Variants in GIT2 observed in about 807,000 individuals in gnomAD.
GIT2 encodes the protein GIT ArfGAP 2.
Under a neutral mutation model 100.3 loss-of-function variants are expected in GIT2, and 32 were observed. The observed-to-expected ratio is 0.32, with a 90% CI of 0.24 to 0.43. The LOEUF is 0.43. GIT2 is among the 20% of genes least tolerant of loss of function. GIT2 has a pLI of 1.00. For missense variants in GIT2, 737 were observed against 975.1 expected, an observed-to-expected ratio of 0.76 and a Z score of 3.25; for synonymous variants, 353 against 364.1, an observed-to-expected ratio of 0.97 and a Z score of 0.35.
chr12:109,951,821 A>AG (rs1437597049), intron 13 of GIT2, among the ~76,000 whole-genome samples: 1 of 152,128 alleles, frequency 6.6e-6, no homozygotes, highest in Non-Finnish European at 1.5e-5. Context: ...AGAGCAGGGT[A>AG]GGGGGCTGCA....
chr12:109,989,107 A>T (rs369552450), intron 3 of GIT2, 39 bp from the exon 4 acceptor site: 21 of 1,161,366 alleles, frequency 1.8e-5, no homozygotes, highest in Non-Finnish European at 2.5e-5. Context: ...TCACTCGTTC[A>T]GATACAACAA....
chr12:109,935,488 G>A (rs951518309), intron 18 of GIT2, among the ~76,000 whole-genome samples: 6 of 152,020 alleles, frequency 3.9e-5, no homozygotes, highest in South Asian at 2.1e-4. Flanking sequence ...TGGCTTCTCC[G>A]CCTCCCGGCT....
intron 9 of GIT2, among the ~76,000 whole-genome samples, chr12:109,964,585 G>A (rs1480415201): frequency 1.3e-5 from 2 of 148,928 alleles, no homozygotes; most frequent in South Asian, 2.1e-4. Flanking sequence ...GGACTTGAAT[G>A]TGCAGCTCAT....
intron 12 of GIT2, among the ~76,000 whole-genome samples, chr12:109,958,294 T>C (rs1320875908): frequency 6.6e-6 from 1 of 150,662 alleles, no homozygotes; most frequent in Non-Finnish European, 1.5e-5. Context: ...CAGGTTAGAG[T>C]GCAGTGGTGT....
chr12:109,946,566 T>A (rs1876403995), intron 15 of GIT2, among the ~76,000 whole-genome samples: 1 of 152,224 alleles, frequency 6.6e-6, no homozygotes, highest in South Asian at 2.1e-4. Flanking sequence ...CAAAATAAGA[T>A]TGTAAGAACC....
chr12:109,938,557 T>C lies in GIT2; in HGVS notation c.1826A>G (p.Lys609Arg). 1.3e-6 allele frequency: 2 copies of C among 1,596,048 alleles called. No individual in the cohort carries two copies. The highest frequency in any genetic ancestry group is 2.7e-5 in the African/African-American group (2 of 74,240). The change falls in exon 18 of 20, where the codon AAG (lysine) becomes AGG (arginine). Residue 609 changes from lysine (K) to arginine (R), a missense_variant. Lys to Arg is a conservative substitution (Grantham distance 26). Coordinates refer to ENST00000355312, the MANE Select transcript of GIT2 (RefSeq NM_057169.5). ...MEPDGMGSSR[K>R]GRQRSMVWPG... The stretch of plus-strand genomic sequence containing the variant: ...CCACACCATACTTCTTTGCCGTCCC[T>C]TTCGGCTTGACCTGTGAACATTAAA...
At chr12:109,982,093 C>T (rs1196808894) in intron 6 of GIT2, 1 of 152,172 alleles carries the variant, frequency 6.6e-6, no homozygotes, top group Non-Finnish European at 1.5e-5. Flanking sequence ...TAATGAAGCA[C>T]CATGCAATAC....
Position 109,968,500 on chromosome 12 carries a change from C to T in GIT2, c.719-997G>A, listed in dbSNP as rs573595649. 4.6e-5 allele frequency among the ~76,000 whole-genome samples: 7 copies of T among 151,938 alleles called. No homozygotes were observed. In the South Asian group the frequency reaches 1.0e-3, roughly 23 times the overall value. On this transcript the variant is annotated intron_variant, in intron 7 of 19. Coordinates refer to ENST00000355312, the MANE Select transcript of GIT2 (RefSeq NM_057169.5). Reference sequence around the variant, plus strand: ...GTGCAATGGCGCAATCTCGGCTCACCGCAACCTCCGCCTCCTGGGTTCAAG... The same window carrying T: ...GTGCAATGGCGCAATCTCGGCTCACTGCAACCTCCGCCTCCTGGGTTCAAG...
upstream of GIT2, chr12:109,999,557 A>G (rs551309164): frequency 1.4e-5 from 9 of 628,130 alleles, no homozygotes; most frequent in South Asian, 5.4e-5. The surrounding 1 kb of genome is among the most constrained non-coding windows in gnomAD (Gnocchi z 4.3). Context: ...CGACCGGCTC[A>G]GCCGGCCGGC....
chr12:109,984,783 A>C (rs1178685323), intron 4 of GIT2, among the ~76,000 whole-genome samples: 3 of 152,182 alleles, frequency 2.0e-5, no homozygotes, highest in Non-Finnish European at 4.4e-5. Context: ...TAGTGATATA[A>C]TAAAGTGCTC....
At chr12:109,942,075 T>A (rs988357939) in intron 16 of GIT2, among the ~76,000 whole-genome samples, 1 of 152,114 alleles carries the variant, frequency 6.6e-6, no homozygotes, top group Non-Finnish European at 1.5e-5. Flanking sequence ...TCCTCCAACT[T>A]TGGCCTCCCA....
intron 7 of GIT2, among the ~76,000 whole-genome samples, chr12:109,979,494 G>C (rs1278064967): frequency 6.6e-6 from 1 of 151,836 alleles, no homozygotes; most frequent in African/African-American, 2.4e-5. Flanking sequence ...AGGATGATCT[G>C]GATCTCCTGA....
chr12:109,952,863 GT>G, intron 13 of GIT2: 3 of 581,260 alleles, frequency 5.2e-6, no homozygotes, highest in Non-Finnish European at 6.1e-6. Context: ...GTAAACACTT[GT>G]TGAATGAATA....
rs1871575581 is a variant in GIT2, at chr12:109,931,163, TAGA to T, written c.*1812_*1814del. The T allele has an allele frequency of 1.3e-5, 2 of 152,358 alleles. No individual in the cohort carries two copies. The highest frequency in any genetic ancestry group is 4.1e-4 in the South Asian group (2 of 4,824). 9.4% of individuals were successfully genotyped at this position (152,358 alleles called of 1,614,324 possible). ...TGTGCATCGATCAGTCCTGTGAAAA[TAGA>T]AGCTTAGTTATTAGCATGTATTGAG... On this transcript the variant is annotated 3_prime_UTR_variant, in exon 20 of 20. Coordinates refer to ENST00000355312, the MANE Select transcript of GIT2 (RefSeq NM_057169.5).
At chr12:109,983,723 C>A (rs75239670) in intron 4 of GIT2, 29 bp from the exon 5 acceptor site, 1 of 1,497,656 alleles carries the variant, frequency 6.7e-7, no homozygotes, top group Non-Finnish European at 9.3e-7. Context: ...AAAAAGGAAT[C>A]GTGGTTAGAG....
rs1437561670 is a variant in GIT2 at position 109,959,914 on chromosome 12, C to A, written c.1032G>T (p.Thr344=). The A allele has an allele frequency of 1.2e-6, 2 of 1,613,894 alleles. No individual in the cohort carries two copies. The highest frequency in any genetic ancestry group is 8.5e-7 in the Non-Finnish European group (1 of 1,179,840). Residue 344 remains threonine, a synonymous_variant, in exon 12 of 20, where the codon ACG becomes ACT. Coordinates refer to ENST00000355312, the MANE Select transcript of GIT2 (RefSeq NM_057169.5). ...LARFNAHEFA[T]LVIDILSDAK... ...CGTCACTGAGAATGTCAATGACCAG[C>A]GTGGCAAACTCATGGGCGTTGAACC... is the stretch of plus-strand genomic sequence containing the variant.
intron 7 of GIT2, among the ~76,000 whole-genome samples, chr12:109,977,225 A>AAAT (rs1042062267): frequency 1.4e-4 from 22 of 152,298 alleles, no homozygotes; most frequent in African/African-American, 5.3e-4. Flanking sequence ...AGATGAGAAA[A>AAAT]AATAATAATA....
chr12:109,943,816 C>A (rs1875499347), intron 16 of GIT2, among the ~76,000 whole-genome samples: 1 of 151,938 alleles, frequency 6.6e-6, no homozygotes, highest in South Asian at 2.1e-4. Context: ...CTCAGCCTCC[C>A]AAGCACCTGG....
chr12:109,932,402 A>C lies in GIT2; in HGVS notation c.*576T>G, dbSNP rs944908182. ...GAACATGTAACAGGGTAAAACACTG[A>C]GAAGAAATGAACCAATTCATTGTTT... On this transcript the variant is annotated 3_prime_UTR_variant, in exon 20 of 20. Transcript: ENST00000355312. 2 of 153,298 alleles carry C rather than the reference A, an allele frequency of 1.3e-5. No homozygotes were observed. Among genetic ancestry groups the C allele is most frequent in the Non-Finnish European group, 1.5e-5 (1 of 68,756 alleles). 9.5% of individuals were successfully genotyped at this position (153,298 alleles called of 1,614,324 possible).
Sources: allele counts gnomAD v4.1 joint callset (sites outside exome capture counted in the v4.1 genomes callset), GRCh38; gene constraint gnomAD v4.1.1; non-coding constraint Gnocchi (gnomAD v3.1); transcripts MANE v1.5; gene names NCBI Gene and HGNC (gene_info 2026-07-23, HGNC 2026-07-21).